MAMLD1: variants seen among roughly 807,000 people sequenced by gnomAD.
The protein encoded by MAMLD1 is mastermind-like domain-containing protein 1.
Under a neutral mutation model 45.0 loss-of-function variants are expected in MAMLD1, and 14 were observed. The observed-to-expected ratio is 0.31, with a 90% CI of 0.21 to 0.49. The LOEUF is 0.49. Ranked by LOEUF, MAMLD1 falls within the 20% of genes least tolerant of loss-of-function variation. The probability of loss-of-function intolerance (pLI) is 0.99; values close to 1 mark genes in which losing one functional copy is unlikely to be tolerated. For synonymous variants in MAMLD1, 254 were observed against 247.8 expected (o/e 1.02, Z -0.24); for missense variants, 543 against 603.6 (o/e 0.90, Z 1.05).
intron 1 of MAMLD1, among the ~76,000 whole-genome samples, chrX:150,367,605 A>T (rs1168789455): frequency 8.9e-6 from 1 of 111,930 alleles, no homozygotes; most frequent in East Asian, 2.8e-4. Context: ...CATGTGCACA[A>T]CGTGCAGGTT....
intron 1 of MAMLD1, among the ~76,000 whole-genome samples, chrX:150,414,600 G>A (rs1353415868): frequency 9.0e-6 from 1 of 111,498 alleles, no homozygotes; most frequent in Non-Finnish European, 1.9e-5. Flanking sequence ...AGAAGGTGAT[G>A]AGTTCTCTGT....
At chrX:150,451,341 G>T (rs1248426077) in intron 2 of MAMLD1, among the ~76,000 whole-genome samples, 1 of 111,785 alleles carries the variant, frequency 8.9e-6, no homozygotes, top group African/African-American at 3.3e-5. Context: ...GAGGGATGCT[G>T]TTAGACTCCA....
At chrX:150,494,304 G>C (rs1173915118) in intron 5 of MAMLD1, among the ~76,000 whole-genome samples, 6 of 111,368 alleles carry the variant, frequency 5.4e-5, no homozygotes, top group African/African-American at 2.0e-4. Context: ...TGAGGCAGGA[G>C]AACAGCTTGA....
chrX:150,485,690 C>T (rs1392695514), intron 5 of MAMLD1, among the ~76,000 whole-genome samples: 2 of 112,228 alleles, frequency 1.8e-5, no homozygotes, highest in Admixed American at 1.9e-4. Flanking sequence ...ATGTGTATCA[C>T]ATTCAACTAA....
At chrX:150,479,101 A>G (rs1471335211) in intron 5 of MAMLD1, among the ~76,000 whole-genome samples, 1 of 112,324 alleles carries the variant, frequency 8.9e-6, no homozygotes, top group Non-Finnish European at 1.9e-5. Flanking sequence ...TCGGTTTCTA[A>G]GGGCCATTAG....
intron 1 of MAMLD1, among the ~76,000 whole-genome samples, chrX:150,413,918 G>A (rs1027713371): frequency 6.6e-5 from 7 of 106,297 alleles, no homozygotes; most frequent in African/African-American, 2.4e-4. Context: ...CCTGGTCATC[G>A]ATGGCCAGGG....
At chrX:150,393,644 G>A (rs1164532055) in intron 1 of MAMLD1, among the ~76,000 whole-genome samples, 1 of 112,123 alleles carries the variant, frequency 8.9e-6, no homozygotes, top group East Asian at 2.8e-4. Context: ...GTGTGTAGCC[G>A]TTATCTCATT....
intron 5 of MAMLD1, among the ~76,000 whole-genome samples, chrX:150,474,854 CA>C (rs2036537574): frequency 8.9e-6 from 1 of 112,098 alleles, no homozygotes; most frequent in Admixed American, 9.4e-5. Flanking sequence ...GGAATCTCAA[CA>C]GTCCTTCTGT....
chrX:150,452,281 G>A (rs868969530), intron 2 of MAMLD1, among the ~76,000 whole-genome samples: 8 of 111,996 alleles, frequency 7.1e-5, no homozygotes, highest in Non-Finnish European at 1.3e-4. Context: ...ATTCACATCC[G>A]CAGATGCCAG....
At chrX:150,437,731 C>T (rs1483312246) in intron 1 of MAMLD1, among the ~76,000 whole-genome samples, 1 of 111,908 alleles carries the variant, frequency 8.9e-6, no homozygotes, top group Non-Finnish European at 1.9e-5. Context: ...CTAATGATAA[C>T]ATCTGGTGAA....
rs782712970 is a variant in MAMLD1 at position 150,502,562 on chromosome X, A to G, written c.2041-712A>G. 1.1e-4 allele frequency among the ~76,000 whole-genome samples: 12 copies of G among 111,986 alleles called. No individual in the cohort carries two copies. The South Asian group carries it at 4.5e-3, about 42-fold the overall frequency. ...GCTGAAAAAAATGGGTCATATGTTC[A>G]ATATGTTCAATTCTGGTGAAATCCC... is the stretch of plus-strand genomic sequence containing the variant. On this transcript the variant is annotated intron_variant, in intron 5 of 7. Coordinates refer to ENST00000370401, the MANE Select transcript of MAMLD1 (RefSeq NM_005491.5).
chrX:150,370,687 T>A (rs1268124138), intron 1 of MAMLD1, among the ~76,000 whole-genome samples: 1 of 111,770 alleles, frequency 8.9e-6, no homozygotes, highest in Non-Finnish European at 1.9e-5. Context: ...TTTCCCTGCC[T>A]CCACCCCCCC....
At chrX:150,402,727 G>C (rs1340788996) in intron 1 of MAMLD1, among the ~76,000 whole-genome samples, 1 of 112,085 alleles carries the variant, frequency 8.9e-6, no homozygotes, top group Non-Finnish European at 1.9e-5. Context: ...ATACACCATG[G>C]AATACTATGC....
At chrX:150,498,843 A>C (rs2037465066) in intron 5 of MAMLD1, among the ~76,000 whole-genome samples, 1 of 112,457 alleles carries the variant, frequency 8.9e-6, no homozygotes, top group Admixed American at 9.4e-5. Context: ...TCCCATTTGC[A>C]CTTGGCCAAG....
chrX:150,398,252 G>GAGA lies in MAMLD1; in HGVS notation c.-64+34810_-64+34812dup, dbSNP rs1221742768. 4.1e-3 allele frequency among the ~76,000 whole-genome samples: 166 copies of GAGA among 40,744 alleles called. 4 individuals are homozygous for GAGA. The highest frequency in any genetic ancestry group is 0.011 in the Middle Eastern group (1 of 89). The allele number at this position is 40,744 out of a possible 115,157, so 35.4% of individuals were successfully genotyped here. On this transcript the variant is annotated intron_variant, in intron 1 of 7. Coordinates refer to ENST00000370401, the MANE Select transcript of MAMLD1 (RefSeq NM_005491.5). ...GGAGAAGAAGGAGAAGGAGGAGAAG[G>GAGA]AGAAGAAGAAGAAGAAGAAGAAGAA... is the stretch of plus-strand genomic sequence containing the variant.
chrX:150,429,518 T>TAAC, intron 1 of MAMLD1, among the ~76,000 whole-genome samples: 1 of 111,279 alleles, frequency 9.0e-6, no homozygotes, highest in Middle Eastern at 4.7e-3. Context: ...ACATCTAGTT[T>TAAC]TCCCCAGTGG....
Position 150,373,466 on chromosome X carries a change from T to TCACA in MAMLD1, c.-64+9957_-64+9960dup, listed in dbSNP as rs368567940. ...GGTTGTGAAGAGCTCTCTCTCTCTC[T>TCACA]CACACACACACACACACACACACAG... is the stretch of plus-strand genomic sequence containing the variant. On this transcript the variant is annotated intron_variant, in intron 1 of 7. Transcript: ENST00000370401. 5.4e-4 allele frequency among the ~76,000 whole-genome samples: 56 copies of TCACA among 103,182 alleles called. 1 individual carries two copies. Among genetic ancestry groups the TCACA allele is most frequent in the South Asian group, 1.3e-3 (3 of 2,282 alleles). The allele number at this position is 103,182 out of a possible 115,157, so 89.6% of individuals were successfully genotyped here. A position where few individuals can be genotyped will look rare whatever the true frequency, so the allele number is the denominator to read the frequency against.
chrX:150,472,660 G>A (rs912430622), intron 4 of MAMLD1, among the ~76,000 whole-genome samples: 1 of 112,389 alleles, frequency 8.9e-6, no homozygotes, highest in African/African-American at 3.2e-5. Context: ...GTGAAGCAGG[G>A]TAATGGGGAG....
At chrX:150,418,666 T>C in intron 1 of MAMLD1, among the ~76,000 whole-genome samples, 1 of 88,006 alleles carries the variant, frequency 1.1e-5, no homozygotes, top group East Asian at 3.6e-4. Flanking sequence ...TCAAAGAACA[T>C]CTTTATTTCT....
Sources: allele counts gnomAD v4.1 joint callset (sites outside exome capture counted in the v4.1 genomes callset), GRCh38; gene constraint gnomAD v4.1.1; transcripts MANE v1.5; gene names NCBI Gene and HGNC (gene_info 2026-07-23, HGNC 2026-07-21).